The following EBF1 variants were observed in gnomAD, a reference collection of about 807,000 sequenced individuals.
EBF1 encodes the protein EBF transcription factor 1.
EBF1 carries 10 observed loss-of-function variants against 68.4 expected under a neutral mutation model. The observed-to-expected ratio is 0.15, with a 90% CI of 0.09 to 0.25. The LOEUF (loss-of-function observed/expected upper bound fraction) is 0.25. Ranked by LOEUF, EBF1 falls within the 10% of genes least tolerant of loss-of-function variation. EBF1 has a pLI of 1.00. For missense variants in EBF1, 509 were observed against 794.4 expected (o/e 0.64, Z 4.32); for synonymous variants, 298 against 299.8 (o/e 0.99, Z 0.06).
At chr5:158,824,040 ATGT>A (rs1785463423) in intron 7 of EBF1, among the ~76,000 whole-genome samples, 1 of 152,202 alleles carries the variant, frequency 6.6e-6, no homozygotes, top group Admixed American at 6.5e-5. Context: ...ACAGGCAAAG[ATGT>A]TGTCTCAGAG....
chr5:158,731,025 T>C, intron 11 of EBF1, 44 bp downstream of exon 11: 2 of 1,579,610 alleles, frequency 1.3e-6, no homozygotes, highest in South Asian at 2.3e-5. Flanking sequence ...TGCAAATCGC[T>C]CAAGTCCAAA....
intron 6 of EBF1, among the ~76,000 whole-genome samples, chr5:158,906,304 G>GAAAAAAAAAA (rs1238469759): frequency 1.1e-5 from 1 of 90,490 alleles, no homozygotes; most frequent in Non-Finnish European, 2.2e-5. Context: ...TGGCAATGCA[G>GAAAAAAAAAA]AAAAAAAAAA....
At chr5:158,846,193 G>A (rs1192878765) in intron 6 of EBF1, among the ~76,000 whole-genome samples, 1 of 152,136 alleles carries the variant, frequency 6.6e-6, no homozygotes, top group Non-Finnish European at 1.5e-5. Flanking sequence ...ACAGCTGTGT[G>A]GAAACAACTG....
intron 11 of EBF1, among the ~76,000 whole-genome samples, chr5:158,715,200 T>C (rs1246671760): frequency 6.6e-6 from 1 of 152,228 alleles, no homozygotes; most frequent in Non-Finnish European, 1.5e-5. Flanking sequence ...CATGAAGATA[T>C]GTTTACCATT....
Position 159,086,531 on chromosome 5 carries a change from G to T in EBF1, c.412-1792C>A, listed in dbSNP as rs570768742. On this transcript the variant is annotated intron_variant, in intron 4 of 15. Coordinates refer to ENST00000313708, the MANE Select transcript of EBF1 (RefSeq NM_024007.5). ...AAGAACACAAGCCAGTTATTTTGTA[G>T]AACATCTCTCAATTTGGGTTTGCCT... Among the ~76,000 whole-genome samples, 27 of 152,172 alleles carry T rather than the reference G, an allele frequency of 1.8e-4. No homozygotes were observed. The East Asian group carries it at 5.0e-3, about 28-fold the overall frequency.
chr5:158,927,060 A>G (rs911440968), intron 6 of EBF1, among the ~76,000 whole-genome samples: 1 of 152,230 alleles, frequency 6.6e-6, no homozygotes, highest in African/African-American at 2.4e-5. Flanking sequence ...GCTTCACCCC[A>G]TCTATGCAAT....
At chr5:158,920,631 T>C (rs1236667576) in intron 6 of EBF1, among the ~76,000 whole-genome samples, 1 of 152,132 alleles carries the variant, frequency 6.6e-6, no homozygotes, top group East Asian at 1.9e-4. Flanking sequence ...CAGCCTGGAG[T>C]GCAGTGGTGC....
At chr5:159,003,273 C>T (rs1762922942) in intron 6 of EBF1, among the ~76,000 whole-genome samples, 1 of 152,228 alleles carries the variant, frequency 6.6e-6, no homozygotes, top group South Asian at 2.1e-4. Context: ...CATCCCCATA[C>T]ATATGGCACC....
At chr5:158,899,757 AG>A (rs1394232240) in intron 6 of EBF1, among the ~76,000 whole-genome samples, 2 of 152,228 alleles carry the variant, frequency 1.3e-5, no homozygotes, top group Non-Finnish European at 2.9e-5. Context: ...GAAAATGAAG[AG>A]ATATTGAATG....
intron 11 of EBF1, among the ~76,000 whole-genome samples, chr5:158,725,811 G>A (rs1762877030): frequency 6.6e-6 from 1 of 152,172 alleles, no homozygotes; most frequent in South Asian, 2.1e-4. Context: ...GTTTGTTTGG[G>A]ATGGTTGTTT....
In EBF1 at chr5:158,717,869, G is replaced by A. The variant is rs138186211; in HGVS notation, c.1126-3687C>T. ...ATTGATTTCATCTCACTATCAAAAC[G>A]TGGCTTCACCTGTCTTGCTATGACC... On this transcript the variant is annotated intron_variant, in intron 11 of 15. Coordinates refer to ENST00000313708, the MANE Select transcript of EBF1 (RefSeq NM_024007.5). Among the ~76,000 whole-genome samples the A allele has an allele frequency of 3.3e-3, 495 of 152,086 alleles. 4 individuals carry two copies. Among genetic ancestry groups the A allele is most frequent in the African/African-American group, 0.011 (436 of 41,486 alleles).
At chr5:158,867,694 T>C (rs1324367051) in intron 6 of EBF1, among the ~76,000 whole-genome samples, 1 of 152,212 alleles carries the variant, frequency 6.6e-6, no homozygotes, top group East Asian at 1.9e-4. Context: ...TCTCCATTTA[T>C]TGGAGTGTAC....
At chr5:158,734,622 T>G (rs1428441211) in intron 10 of EBF1, among the ~76,000 whole-genome samples, 1 of 152,080 alleles carries the variant, frequency 6.6e-6, no homozygotes, top group Non-Finnish European at 1.5e-5. Context: ...TTCAACAAAG[T>G]GACCTCATTG....
At chr5:158,822,297 G>A (rs1785035849) in intron 8 of EBF1, among the ~76,000 whole-genome samples, 1 of 151,854 alleles carries the variant, frequency 6.6e-6, no homozygotes, top group Non-Finnish European at 1.5e-5. Flanking sequence ...TGGATGGATG[G>A]ATGGATGGAT....
At chr5:158,901,267 T>G (rs567587852) in intron 6 of EBF1, among the ~76,000 whole-genome samples, 1 of 152,362 alleles carries the variant, frequency 6.6e-6, no homozygotes, top group African/African-American at 2.4e-5. Context: ...ATTAGTTCTC[T>G]GTAATTGTCC....
At chr5:158,918,960 TA>T (rs1374776684) in intron 6 of EBF1, among the ~76,000 whole-genome samples, 1 of 152,248 alleles carries the variant, frequency 6.6e-6, no homozygotes, top group Non-Finnish European at 1.5e-5. Context: ...GGCTTTCAAC[TA>T]AGGCATTCAT....
At chr5:158,814,742 G>A (rs1291788114) in intron 8 of EBF1, among the ~76,000 whole-genome samples, 2 of 152,112 alleles carry the variant, frequency 1.3e-5, no homozygotes, top group Non-Finnish European at 2.9e-5. Context: ...GATTTCTAGG[G>A]AGATGAGTTA....
intron 6 of EBF1, among the ~76,000 whole-genome samples, chr5:158,863,151 C>T (rs907210228): frequency 1.3e-5 from 2 of 152,168 alleles, no homozygotes; most frequent in South Asian, 2.1e-4. Flanking sequence ...GTTTGGAACT[C>T]TAACTCATTT....
chr5:158,902,702 C>T (rs897896469), intron 6 of EBF1, among the ~76,000 whole-genome samples: 5 of 151,718 alleles, frequency 3.3e-5, no homozygotes, highest in Non-Finnish European at 5.9e-5. Flanking sequence ...GGGATCCTCC[C>T]ATATCAGCCT....
Sources: gnomAD v4.1 joint callset for allele counts (sites outside exome capture counted in the v4.1 genomes callset) on GRCh38, gnomAD v4.1.1 for gene constraint, MANE v1.5 for transcripts, NCBI Gene and HGNC (gene_info 2026-07-23, HGNC 2026-07-21) for gene names.